KCNH7: variants seen among roughly 807,000 people sequenced by gnomAD.
KCNH7 encodes the protein potassium voltage-gated channel subfamily H member 7.
A neutral mutation model predicts 120.8 loss-of-function variants in KCNH7; 49 were observed. The observed-to-expected ratio is 0.41, with a 90% confidence interval of 0.32 to 0.51. The LOEUF is 0.51. Among genes scored for constraint, KCNH7 ranks in the 20% least tolerant of loss-of-function variants. The pLI, the probability that KCNH7 is intolerant of heterozygous loss-of-function variation, is 0.38. For synonymous variants in KCNH7, 547 were observed against 516.1 expected (o/e 1.06, Z -0.81); for missense variants, 1,097 against 1,446.6 (o/e 0.76, Z 3.92).
At position 162,697,536 on chromosome 2, in the gene KCNH7, C is replaced by G. The variant is rs562613491; in HGVS notation, c.307+139001G>C. On this transcript the variant is annotated intron_variant, in intron 2 of 15. Coordinates refer to ENST00000332142, the MANE Select transcript of KCNH7 (RefSeq NM_033272.4). ...AAATTCTAATTGATAATATTAAAGT[C>G]AGGGTAATTGTTATTTTGTGGGCAG... is the stretch of plus-strand genomic sequence containing the variant. Among the ~76,000 whole-genome samples, 343 of 151,992 alleles carry G rather than the reference C, an allele frequency of 2.3e-3. 2 individuals carry two copies. The highest frequency in any genetic ancestry group is 7.9e-3 in the African/African-American group (326 of 41,482).
In KCNH7 at chr2:162,613,449, C is replaced by T. The variant is rs151143687; in HGVS notation, c.308-76369G>A. ...CTCAGGCAAATGAAAAAATTCTAAC[C>T]CACAAAAAATATCTTAGTTACTAAG... On this transcript the variant is annotated intron_variant, in intron 2 of 15. Coordinates refer to ENST00000332142, the MANE Select transcript of KCNH7 (RefSeq NM_033272.4). Among the ~76,000 whole-genome samples the T allele has an allele frequency of 1.8e-3, 268 of 151,874 alleles. 3 individuals are homozygous for T. The highest frequency in any genetic ancestry group is 6.2e-3 in the African/African-American group (257 of 41,488).
chr2:162,567,291 T>C (rs2105891407), intron 2 of KCNH7, among the ~76,000 whole-genome samples: 1 of 152,176 alleles, frequency 6.6e-6, no homozygotes, highest in East Asian at 1.9e-4. Flanking sequence ...CCCTCTTTTT[T>C]ACTCTCTTTT....
At chr2:162,562,163 A>G (rs1693094680) in intron 2 of KCNH7, among the ~76,000 whole-genome samples, 1 of 152,164 alleles carries the variant, frequency 6.6e-6, no homozygotes. Flanking sequence ...TACCTATGTA[A>G]CAAACCTGCA....
intron 2 of KCNH7, among the ~76,000 whole-genome samples, chr2:162,790,989 G>A (rs1411326534): frequency 6.6e-6 from 1 of 152,036 alleles, no homozygotes; most frequent in East Asian, 1.9e-4. Flanking sequence ...GCAAGGAAAA[G>A]AAATAAAAAG....
chr2:162,571,996 C>A (rs1484389933), intron 2 of KCNH7, among the ~76,000 whole-genome samples: 1 of 151,418 alleles, frequency 6.6e-6, no homozygotes, highest in Non-Finnish European at 1.5e-5. Flanking sequence ...GCAAGGACTT[C>A]ATGTCTAAAA....
At chr2:162,606,724 AAAGC>A (rs1213678461) in intron 2 of KCNH7, among the ~76,000 whole-genome samples, 7 of 152,230 alleles carry the variant, frequency 4.6e-5, no homozygotes, top group African/African-American at 1.7e-4. Context: ...ACTTGGTTCC[AAAGC>A]AAGCAAACAA....
At chr2:162,415,207 C>G (rs1215357166) in intron 9 of KCNH7, among the ~76,000 whole-genome samples, 2 of 151,882 alleles carry the variant, frequency 1.3e-5, no homozygotes, top group Non-Finnish European at 2.9e-5. Context: ...CTTTGAGCCT[C>G]TCCTTTGTTC....
At chr2:162,718,248 A>AT (rs1035318218) in intron 2 of KCNH7, among the ~76,000 whole-genome samples, 1 of 151,932 alleles carries the variant, frequency 6.6e-6, no homozygotes, top group Non-Finnish European at 1.5e-5. Flanking sequence ...GGCCATATAC[A>AT]TTTTTTAACA....
At chr2:162,618,009 T>C (rs1683212434) in intron 2 of KCNH7, among the ~76,000 whole-genome samples, 2 of 152,030 alleles carry the variant, frequency 1.3e-5, no homozygotes, top group Admixed American at 1.3e-4. Context: ...TTTATGTTTA[T>C]TTTTATAATT....
At chr2:162,619,331 A>G (rs190541106) in intron 2 of KCNH7, among the ~76,000 whole-genome samples, 1 of 152,096 alleles carries the variant, frequency 6.6e-6, no homozygotes, top group Non-Finnish European at 1.5e-5. Flanking sequence ...GGGTATATTC[A>G]GTGGCCAGTC....
At chr2:162,446,591 C>T (rs1260341732) in intron 6 of KCNH7, 148 bp from the exon 7 acceptor site, 6 of 617,404 alleles carry the variant, frequency 9.7e-6, no homozygotes, top group South Asian at 6.7e-5. Context: ...CACACACATA[C>T]ATTACATAAA....
intron 2 of KCNH7, among the ~76,000 whole-genome samples, chr2:162,699,671 T>C (rs1038055237): frequency 2.0e-5 from 3 of 152,208 alleles, no homozygotes; most frequent in Non-Finnish European, 2.9e-5. Context: ...ATGTCTTTTA[T>C]TTGCTTTTAA....
intron 2 of KCNH7, among the ~76,000 whole-genome samples, chr2:162,584,279 G>T (rs551779959): frequency 1.3e-5 from 2 of 152,190 alleles, no homozygotes; most frequent in East Asian, 1.9e-4. Context: ...TCATGGGAGG[G>T]AAACATCATC....
chr2:162,637,750 G>T (rs1684012160), intron 2 of KCNH7, among the ~76,000 whole-genome samples: 1 of 151,930 alleles, frequency 6.6e-6, no homozygotes, highest in Admixed American at 6.6e-5. Flanking sequence ...AAATTGATGT[G>T]CTGATCTCTA....
intron 2 of KCNH7, among the ~76,000 whole-genome samples, chr2:162,605,514 C>T (rs1446451466): frequency 6.6e-6 from 1 of 152,082 alleles, no homozygotes; most frequent in African/African-American, 2.4e-5. Context: ...CAGCAATAAA[C>T]AGACACCTAG....
chr2:162,594,572 G>T (rs1694313425), intron 2 of KCNH7, among the ~76,000 whole-genome samples: 1 of 152,010 alleles, frequency 6.6e-6, no homozygotes, highest in African/African-American at 2.4e-5. Flanking sequence ...AACACAGTTA[G>T]CCCTTCATAT....
At chr2:162,452,315 A>C (rs1688803097) in intron 6 of KCNH7, among the ~76,000 whole-genome samples, 1 of 152,110 alleles carries the variant, frequency 6.6e-6, no homozygotes, top group South Asian at 2.1e-4. Flanking sequence ...GAAATGTCTA[A>C]GATAGTTAAG....
chr2:162,567,616 A>G (rs916264492), intron 2 of KCNH7, among the ~76,000 whole-genome samples: 3 of 151,984 alleles, frequency 2.0e-5, no homozygotes, highest in Non-Finnish European at 4.4e-5. Context: ...TGTATTGTTT[A>G]TCTTTCTTTT....
chr2:162,706,768 G>A (rs1686717934), intron 2 of KCNH7, among the ~76,000 whole-genome samples: 1 of 152,106 alleles, frequency 6.6e-6, no homozygotes, highest in Non-Finnish European at 1.5e-5. Context: ...GAGGGAAGAG[G>A]CTTGGCATAA....
Sources: gnomAD v4.1 joint callset for allele counts (sites outside exome capture counted in the v4.1 genomes callset) on GRCh38, gnomAD v4.1.1 for gene constraint, MANE v1.5 for transcripts, NCBI Gene and HGNC (gene_info 2026-07-23, HGNC 2026-07-21) for gene names.